ATP13A3: variants seen among roughly 807,000 people sequenced by gnomAD.
ATP13A3 encodes the protein ATPase 13A3, also known as polyamine-transporting ATPase 13A3.
In ATP13A3, 59 loss-of-function variants were observed where a neutral mutation model predicts 158.1. The ratio of observed to expected loss-of-function variants is 0.37; its 90% CI spans 0.30 to 0.46. ATP13A3 has a LOEUF of 0.46. Ranked by LOEUF, ATP13A3 falls within the 20% of genes least tolerant of loss-of-function variation. The pLI is 1.00. For missense variants in ATP13A3, 1,166 were observed against 1,525.2 expected (o/e 0.76, Z 3.92); for synonymous variants, 491 against 504.3 (o/e 0.97, Z 0.35).
At chr3:194,454,623 T>TG (rs1719072235) in intron 8 of ATP13A3, among the ~76,000 whole-genome samples, 2 of 119,828 alleles carry the variant, frequency 1.7e-5, no homozygotes, top group Non-Finnish European at 3.7e-5. Context: ...GGTCAGGAGA[T>TG]CAAAACATCC....
intron 2 of ATP13A3, among the ~76,000 whole-genome samples, chr3:194,492,784 C>T (rs564302811): frequency 6.6e-6 from 1 of 152,236 alleles, no homozygotes; most frequent in South Asian, 2.1e-4. Flanking sequence ...CTCTAGATTA[C>T]TTATAATACG....
chr3:194,459,740 TG>T, intron 5 of ATP13A3, 48 bp downstream of exon 5: 1 of 1,547,902 alleles, frequency 6.5e-7, no homozygotes, highest in Non-Finnish European at 8.8e-7. Flanking sequence ...TAGCATAAAA[TG>T]TAACAATTCT....
chr3:194,429,611 A>T (rs1717070950), intron 27 of ATP13A3, 67 bp downstream of exon 27: 1 of 1,256,248 alleles, frequency 8.0e-7, no homozygotes, highest in East Asian at 2.4e-5. Flanking sequence ...AATCAAACAC[A>T]TACGCTCAAC....
At chr3:194,456,778 A>G (rs1429804091) in intron 7 of ATP13A3, among the ~76,000 whole-genome samples, 1 of 152,144 alleles carries the variant, frequency 6.6e-6, no homozygotes, top group African/African-American at 2.4e-5. Flanking sequence ...AAATGCTATC[A>G]AGAACGACAC....
At chr3:194,419,043 C>T (rs192593880) in intron 31 of ATP13A3, among the ~76,000 whole-genome samples, 1 of 152,188 alleles carries the variant, frequency 6.6e-6, no homozygotes, top group East Asian at 1.9e-4. Context: ...TTCATAGCAG[C>T]AATATGTTCA....
intron 2 of ATP13A3, among the ~76,000 whole-genome samples, chr3:194,478,783 A>T (rs1290493868): frequency 6.6e-6 from 1 of 152,172 alleles, no homozygotes; most frequent in Non-Finnish European, 1.5e-5. Context: ...TATCCTCTGG[A>T]CTTGTGCAAT....
chr3:194,453,266 GACC>G (rs1449033791), intron 10 of ATP13A3, among the ~76,000 whole-genome samples: 2 of 126,954 alleles, frequency 1.6e-5, no homozygotes, highest in Non-Finnish European at 3.2e-5. Flanking sequence ...GCAACAGTGA[GACC>G]ACATCGACTT....
intron 16 of ATP13A3, among the ~76,000 whole-genome samples, chr3:194,439,990 G>C (rs971532129): frequency 4.6e-5 from 7 of 152,076 alleles, no homozygotes; most frequent in African/African-American, 1.7e-4. Context: ...TGTTTACCAT[G>C]GACTTTCAGT....
chr3:194,448,079 TCTC>T lies in ATP13A3; in HGVS notation c.1151-73_1151-71del. On this transcript the variant is annotated intron_variant, in intron 12 of 33. Transcript: ENST00000645319. This position sits in a 1 kb window ranked among gnomAD's most constrained non-coding sequence, Gnocchi z 4.0. ...GAGAATTATCTCCCAAAACAGAATCTCTCTTTTTTTTTTTTTGAGACAGAGTCT... is the reference window on the plus strand; with the variant it reads ...GAGAATTATCTCCCAAAACAGAATCTTTTTTTTTTTTTTGAGACAGAGTCT... 7.4e-7 allele frequency: 1 copy of T among 1,354,346 alleles called. No homozygotes were observed. The highest frequency in any genetic ancestry group is 1.0e-6 in the Non-Finnish European group (1 of 968,252). The allele number at this position is 1,354,346 out of a possible 1,614,324, so 83.9% of individuals were successfully genotyped here.
intron 21 of ATP13A3, among the ~76,000 whole-genome samples, chr3:194,433,532 C>T (rs555220686): frequency 8.5e-5 from 13 of 152,048 alleles, no homozygotes; most frequent in Non-Finnish European, 1.3e-4. Context: ...CGTGAGCCAC[C>T]GCGCCCGGCC....
Position 194,403,310 on chromosome 3 carries a change from T to C in ATP13A3, c.*2609A>G, listed in dbSNP as rs1338314191. The C allele has an allele frequency of 6.6e-6, 1 of 152,208 alleles. No individual in the cohort carries two copies. The highest frequency in any genetic ancestry group is 1.5e-5 in the Non-Finnish European group (1 of 68,030). The allele number at this position is 152,208 out of a possible 1,614,324, so 9.4% of individuals were successfully genotyped here. ...CAGGATTATAAAACTACTATAAAAG[T>C]ATTTATTCTGTTGTTGGCTTAGCCA... On this transcript the variant is annotated 3_prime_UTR_variant, in exon 34 of 34. Coordinates refer to ENST00000645319, the MANE Select transcript of ATP13A3 (RefSeq NM_001367549.1).
At chr3:194,463,253 G>A (rs1427760935) in intron 2 of ATP13A3, among the ~76,000 whole-genome samples, 1 of 150,932 alleles carries the variant, frequency 6.6e-6, no homozygotes, top group Non-Finnish European at 1.5e-5. Flanking sequence ...AACTTGTCCA[G>A]GGAAAAAATT....
rs1327861685 is a variant in ATP13A3 at position 194,460,081 on chromosome 3, G to C, written c.226-110C>G. 7 of 875,036 alleles carry C rather than the reference G, an allele frequency of 8.0e-6. No individual in the cohort carries two copies. The African/African-American group carries it at 1.2e-4, about 15-fold the overall frequency. 54.2% of individuals were successfully genotyped at this position (875,036 alleles called of 1,614,324 possible). The stretch of plus-strand genomic sequence containing the variant: ...ACATTATTTCCTCATCTCTAATTGA[G>C]GAAACATCACGCCTACTCACTAAAT... On this transcript the variant is annotated intron_variant, in intron 4 of 33. Coordinates refer to ENST00000645319, the MANE Select transcript of ATP13A3 (RefSeq NM_001367549.1).
In ATP13A3 at chr3:194,431,719, C is replaced by G. The variant is rs768494977; in HGVS notation, c.2419G>C (p.Glu807Gln). 1.3e-6 allele frequency: 2 copies of G among 1,563,662 alleles called. No homozygotes were observed. The highest frequency in any genetic ancestry group is 1.7e-6 in the Non-Finnish European group (2 of 1,157,132). The change falls in exon 22 of 34, where the codon GAG (glutamate) becomes CAG (glutamine). Residue 807 changes from glutamate to glutamine, a missense_variant and splice_region_variant. Physicochemically the swap from Glu to Gln is conservative, Grantham distance 29. Transcript: ENST00000645319. The part of the protein sequence containing the change: ...QCSHPSAIDP[E>Q]AIPVKLVHDS... ...CGGACAGTCGATCTTGACCTTACCT[C>G]TGGGTCAATTGCTGATGGATGACTG...
intron 21 of ATP13A3, 29 bp from the exon 22 acceptor site, chr3:194,431,921 G>C: frequency 6.6e-7 from 1 of 1,510,706 alleles, no homozygotes; most frequent in South Asian, 1.3e-5. Flanking sequence ...TAAATGTATT[G>C]AAATTAAAAT....
chr3:194,423,925 C>A (rs1468455445), intron 30 of ATP13A3, among the ~76,000 whole-genome samples: 4 of 147,016 alleles, frequency 2.7e-5, no homozygotes, highest in Non-Finnish European at 5.9e-5. Context: ...GTCTGAATAC[C>A]AGTTTTCTTC....
At chr3:194,484,299 G>C (rs1031089895) in intron 2 of ATP13A3, among the ~76,000 whole-genome samples, 2 of 152,114 alleles carry the variant, frequency 1.3e-5, no homozygotes, top group African/African-American at 4.8e-5. Flanking sequence ...GATTAGTTGA[G>C]ACCATATGTA....
intron 2 of ATP13A3, among the ~76,000 whole-genome samples, chr3:194,473,573 G>C (rs1295426227): frequency 2.0e-5 from 3 of 151,490 alleles, no homozygotes; most frequent in Admixed American, 1.3e-4. Context: ...CAATTGACAA[G>C]ATACTTAAAT....
Position 194,430,994 on chromosome 3 carries a change from C to T in ATP13A3, c.2573G>A (p.Arg858His), listed in dbSNP as rs1271095571. 4 of 1,613,468 alleles carry T rather than the reference C, an allele frequency of 2.5e-6. No individual in the cohort carries two copies. Among genetic ancestry groups the T allele is most frequent in the East Asian group, 2.2e-5 (1 of 44,870 alleles). ...KLMLHGTVFARMAPDQKTQLI... is the reference protein window; with the variant it reads ...KLMLHGTVFAHMAPDQKTQLI... The stretch of plus-strand genomic sequence containing the variant: ...CTGTGTCTTCTGATCAGGTGCCATA[C>T]GGGCAAACACGGTGCCATGCAACAT... The change falls in exon 24 of 34, where the codon CGT (arginine) becomes CAT (histidine). Residue 858 changes from arginine (R) to histidine (H), a missense_variant. Transcript: ENST00000645319.
Sources: allele counts gnomAD v4.1 joint callset (sites outside exome capture counted in the v4.1 genomes callset), GRCh38; gene constraint gnomAD v4.1.1; non-coding constraint Gnocchi (gnomAD v3.1); transcripts MANE v1.5; gene names NCBI Gene and HGNC (gene_info 2026-07-23, HGNC 2026-07-21).